The following DNTTIP2 variants were observed in gnomAD, a reference collection of about 807,000 sequenced individuals.
DNTTIP2 encodes the protein deoxynucleotidyltransferase terminal-interacting protein 2.
A neutral mutation model predicts 62.4 loss-of-function variants in DNTTIP2; 47 were observed. That is an observed-to-expected ratio of 0.75 (90% CI 0.60 to 0.96). The LOEUF (loss-of-function observed/expected upper bound fraction) is 0.96. Ranked by LOEUF, DNTTIP2 falls within the 40% of genes least tolerant of loss-of-function variation. DNTTIP2 has a pLI of 0.00. For synonymous variants in DNTTIP2, 322 were observed against 300.9 expected (o/e 1.07, Z -0.73); for missense variants, 870 against 849.1 (o/e 1.02, Z -0.31).
intron 3 of DNTTIP2, among the ~76,000 whole-genome samples, chr1:93,873,735 T>G (rs1655930152): frequency 6.6e-6 from 1 of 152,190 alleles, no homozygotes; most frequent in South Asian, 2.1e-4. Flanking sequence ...AGTTCAAGAC[T>G]AGCCTGGGTA....
In DNTTIP2 at chr1:93,877,700, T is replaced by C. The variant is rs1401810397; in HGVS notation, c.235A>G (p.Thr79Ala). ...SRTTGSLPKG[T>A]EPSTDGETSE... is the part of the protein sequence containing the mutation. ...GTTTCTCCATCCGTAGATGGTTCAG[T>C]CCCCTTTGGTAGTGAGCCTGTAGTT... Residue 79 changes from threonine (T) to alanine (A), a missense_variant, in exon 2 of 7, where the codon ACT becomes GCT. Thr to Ala is a moderately conservative substitution (Grantham distance 58). Coordinates refer to ENST00000436063, the MANE Select transcript of DNTTIP2 (RefSeq NM_014597.5). 6.2e-7 allele frequency: 1 copy of C among 1,613,860 alleles called. No individual in the cohort carries two copies. The highest frequency in any genetic ancestry group is 1.3e-5 in the African/African-American group (1 of 74,916).
intron 4 of DNTTIP2, among the ~76,000 whole-genome samples, 199 bp from the exon 5 acceptor site, chr1:93,872,435 G>A (rs1655890743): frequency 6.6e-6 from 1 of 152,156 alleles, no homozygotes; most frequent in Admixed American, 6.5e-5. Context: ...ATTAGGGACA[G>A]GATTATCAGT....
chr1:93,879,085 CG>C lies in DNTTIP2; in HGVS notation c.63del (p.Gln23LysfsTer35), dbSNP rs1218667935. ...ASIQAASAES[S>X]GQKSFAANGI... ...AAGACTGGATTTCCTACCTTTTGCC[CG>C]GAACTTTCAGCCGACGCGGCTTGGA... On this transcript the variant is annotated frameshift_variant, in exon 1 of 7. Transcript: ENST00000436063. LOFTEE classifies it high-confidence loss of function. The C allele has an allele frequency of 1.2e-6, 2 of 1,613,724 alleles. No homozygotes were observed. The highest frequency in any genetic ancestry group is 1.7e-6 in the Non-Finnish European group (2 of 1,179,878).
Position 93,866,814 on chromosome 1 carries a change from TTATC to T in DNTTIP2, c.*3033_*3036del, listed in dbSNP as rs1389720977. On this transcript the variant is annotated 3_prime_UTR_variant, in exon 7 of 7. Transcript: ENST00000436063. ...TAAGAACCTAGCCCAGAGCCCAACT[TTATC>T]AACTGTAGTCTTACAGCATCTACTT... 1 of 152,208 alleles carries T rather than the reference TTATC, an allele frequency of 6.6e-6. No individual in the cohort carries two copies. Among genetic ancestry groups the T allele is most frequent in the East Asian group, 1.9e-4 (1 of 5,198 alleles). The allele number at this position is 152,208 out of a possible 1,614,324, so 9.4% of individuals were successfully genotyped here. A position where few individuals can be genotyped will look rare whatever the true frequency, so the allele number is the denominator to read the frequency against.
chr1:93,870,822 C>T, intron 5 of DNTTIP2, 30 bp from the exon 6 acceptor site: 1 of 1,230,108 alleles, frequency 8.1e-7, no homozygotes, highest in Non-Finnish European at 1.1e-6. Context: ...ATAAGTCATG[C>T]ATTGAGTGCC....
intron 3 of DNTTIP2, among the ~76,000 whole-genome samples, chr1:93,875,435 C>T (rs1341749056): frequency 6.6e-6 from 1 of 152,124 alleles, no homozygotes; most frequent in African/African-American, 2.4e-5. Flanking sequence ...AGATGAGGAA[C>T]ACTGACCCTG....
chr1:93,879,112 T>C lies in DNTTIP2; in HGVS notation c.37A>G (p.Ile13Val), dbSNP rs752115054. The C allele has an allele frequency of 6.2e-7, 1 of 1,613,682 alleles. No homozygotes were observed. Among genetic ancestry groups the C allele is most frequent in the East Asian group, 2.2e-5 (1 of 44,900 alleles). ...VTRSARAKASIQAASAESSGQ... is the reference protein window; with the variant it reads ...VTRSARAKASVQAASAESSGQ... ...GAACTTTCAGCCGACGCGGCTTGGA[T>C]GCTGGCCTTAGCCCGTGCAGATCTG... The change falls in exon 1 of 7, where the codon ATC (isoleucine) becomes GTC (valine). Residue 13 changes from isoleucine to valine, a missense_variant. Coordinates refer to ENST00000436063, the MANE Select transcript of DNTTIP2 (RefSeq NM_014597.5).
In DNTTIP2 at chr1:93,869,885, T is replaced by C. The variant is rs1261268645; in HGVS notation, c.2237A>G (p.Lys746Arg). ...MAEKAANAAG[K>R]KFRKKKKFRN ...AAATTTCTTCTTCTTTCGGAACTTT[T>C]TTCCTGCTGCATTTGCTGCTTTTTC... Residue 746 changes from lysine to arginine, a missense_variant, in exon 7 of 7, where the codon AAA becomes AGA. Lys to Arg is a conservative substitution (Grantham distance 26). Transcript: ENST00000436063. 2 of 780,366 alleles carry C rather than the reference T, an allele frequency of 2.6e-6. No individual in the cohort carries two copies. Among genetic ancestry groups the C allele is most frequent in the East Asian group, 2.4e-5 (1 of 41,220 alleles). The allele number at this position is 780,366 out of a possible 1,614,324, so 48.3% of individuals were successfully genotyped here. A position where few individuals can be genotyped will look rare whatever the true frequency, so the allele number is the denominator to read the frequency against.
In DNTTIP2 at chr1:93,877,353, T is replaced by G. The variant is rs775956120; in HGVS notation, c.582A>C (p.Ser194=). 1 of 1,613,688 alleles carries G rather than the reference T, an allele frequency of 6.2e-7. No homozygotes were observed. Among genetic ancestry groups the G allele is most frequent in the Non-Finnish European group, 8.5e-7 (1 of 1,179,896 alleles). ...SDAETSSSDI[S]FSGIATRRTR... is the part of the protein sequence containing the mutation. Reference sequence around the variant, plus strand: ...TTCTTCTAGTTGCAATTCCAGAGAATGAAATGTCTGAGCTTGATGTCTCAG... The same window carrying G: ...TTCTTCTAGTTGCAATTCCAGAGAAGGAAATGTCTGAGCTTGATGTCTCAG... The change falls in exon 2 of 7, where the codon TCA becomes TCC. Residue 194 remains serine (S), a synonymous_variant. Coordinates refer to ENST00000436063, the MANE Select transcript of DNTTIP2 (RefSeq NM_014597.5).
intron 3 of DNTTIP2, among the ~76,000 whole-genome samples, chr1:93,874,971 T>C (rs1166491087): frequency 2.6e-5 from 4 of 152,144 alleles, no homozygotes; most frequent in Admixed American, 2.6e-4. Flanking sequence ...CCCTAGAGGC[T>C]TGGTGACTGA....
Position 93,877,643 on chromosome 1 carries a change from CAGA to C in DNTTIP2, c.289_291del (p.Ser97del). On this transcript the variant is annotated inframe_deletion, in exon 2 of 7. Coordinates refer to ENST00000436063, the MANE Select transcript of DNTTIP2 (RefSeq NM_014597.5). ...ACCCTTAAAATGGTATCATGGTGCT[CAGA>C]CACAGAATAATTTGACTCTGCCTCA... 1 of 1,614,000 alleles carries C rather than the reference CAGA, an allele frequency of 6.2e-7. No homozygotes were observed. Among genetic ancestry groups the C allele is most frequent in the Non-Finnish European group, 8.5e-7 (1 of 1,179,888 alleles).
intron 4 of DNTTIP2, 71 bp downstream of exon 4, chr1:93,873,043 TGTGCA>T: frequency 1.0e-6 from 1 of 982,430 alleles, no homozygotes. Context: ...ACAGTTTAAT[TGTGCA>T]GTTATGTTGT....
rs775722272 is a variant in DNTTIP2 at position 93,876,748 on chromosome 1, C to A, written c.1187G>T (p.Gly396Val). 20 of 1,613,854 alleles carry A rather than the reference C, an allele frequency of 1.2e-5. No homozygotes were observed. The Middle Eastern group carries it at 4.9e-4, about 40-fold the overall frequency. The part of the protein sequence containing the change: ...SDLTKFGDCG[G>V]SDDEEESTVI... Reference sequence around the variant, plus strand: ...TGTGGACTCTTCTTCATCATCACTACCACCACAATCACCAAACTTTGTCAA... The same window carrying A: ...TGTGGACTCTTCTTCATCATCACTAACACCACAATCACCAAACTTTGTCAA... The change falls in exon 2 of 7, where the codon GGT becomes GTT. Residue 396 changes from glycine (G) to valine (V), a missense_variant. Transcript: ENST00000436063.
Position 93,868,734 on chromosome 1 carries a change from C to T in DNTTIP2, c.*1117G>A, listed in dbSNP as rs1045790145. Reference sequence around the variant, plus strand: ...AAGCTGGAAATCATCTCAGCAAGAACAGAAAACTAACACAAGAACAGAAAA... The same window carrying T: ...AAGCTGGAAATCATCTCAGCAAGAATAGAAAACTAACACAAGAACAGAAAA... On this transcript the variant is annotated 3_prime_UTR_variant, in exon 7 of 7. Coordinates refer to ENST00000436063, the MANE Select transcript of DNTTIP2 (RefSeq NM_014597.5). 2 of 152,052 alleles carry T rather than the reference C, an allele frequency of 1.3e-5. No individual in the cohort carries two copies. The highest frequency in any genetic ancestry group is 4.8e-5 in the African/African-American group (2 of 41,394). 9.4% of individuals were successfully genotyped at this position (152,052 alleles called of 1,614,324 possible). A position where few individuals can be genotyped will look rare whatever the true frequency, so the allele number is the denominator to read the frequency against.
chr1:93,877,845 C>T lies in DNTTIP2; in HGVS notation c.90G>A (p.Gly30=), dbSNP rs775290457. ...SSGQKSFAAN[G]IQAHPESSTG... ...TACTACTTTCTGGATGCGCTTGAAT[C>T]CCATTAGCAGCAAAACTCTGCAAAC... The change falls in exon 2 of 7, where the codon GGG becomes GGA. Residue 30 remains glycine, a synonymous_variant. Transcript: ENST00000436063. 3.0e-5 allele frequency: 48 copies of T among 1,600,622 alleles called. No individual in the cohort carries two copies. The highest frequency in any genetic ancestry group is 3.4e-5 in the Non-Finnish European group (40 of 1,179,510).
Position 93,878,968 on chromosome 1 carries a change from G to T in DNTTIP2, c.72+109C>A, listed in dbSNP as rs966721414. ...AGACCCAAGCGCGCGGCAAGCTCGGGTCCTCTCTGTCGGCAGGTCCTCACC... is the reference window on the plus strand; with the variant it reads ...AGACCCAAGCGCGCGGCAAGCTCGGTTCCTCTCTGTCGGCAGGTCCTCACC... On this transcript the variant is annotated intron_variant, in intron 1 of 6. Coordinates refer to ENST00000436063, the MANE Select transcript of DNTTIP2 (RefSeq NM_014597.5). 3 of 1,409,118 alleles carry T rather than the reference G, an allele frequency of 2.1e-6. No individual in the cohort carries two copies. The East Asian group carries it at 7.4e-5, about 35-fold the overall frequency. 87.3% of individuals were successfully genotyped at this position (1,409,118 alleles called of 1,614,324 possible).
At position 93,877,365 on chromosome 1, in the gene DNTTIP2, G is replaced by A. The variant is rs763403519; in HGVS notation, c.570C>T (p.Ser190=). The stretch of plus-strand genomic sequence containing the variant: ...CAATTCCAGAGAATGAAATGTCTGA[G>A]CTTGATGTCTCAGCATCAGATATAG... ...TEAISDAETS[S]SDISFSGIAT... is the part of the protein sequence containing the mutation. Residue 190 remains serine, a synonymous_variant, in exon 2 of 7, where the codon AGC becomes AGT. Coordinates refer to ENST00000436063, the MANE Select transcript of DNTTIP2 (RefSeq NM_014597.5). 6.2e-7 allele frequency: 1 copy of A among 1,613,758 alleles called. No homozygotes were observed. Among genetic ancestry groups the A allele is most frequent in the Non-Finnish European group, 8.5e-7 (1 of 1,179,882 alleles).
Position 93,876,494 on chromosome 1 carries a change from T to TTCCTGTGTC in DNTTIP2, c.1432_1440dup (p.Asp478_Gly480dup). On this transcript the variant is annotated inframe_insertion, in exon 2 of 7. Coordinates refer to ENST00000436063, the MANE Select transcript of DNTTIP2 (RefSeq NM_014597.5). Reference sequence around the variant, plus strand: ...AACAATGCATTGTCACATGACAGACTTCCTGTGTCTCCACTTAATGACTCC... The same window carrying TTCCTGTGTC: ...AACAATGCATTGTCACATGACAGACTTCCTGTGTCTCCTGTGTCTCCACTTAATGACTCC... 1 of 1,613,980 alleles carries TTCCTGTGTC rather than the reference T, an allele frequency of 6.2e-7. No individual in the cohort carries two copies. Among genetic ancestry groups the TTCCTGTGTC allele is most frequent in the East Asian group, 2.2e-5 (1 of 44,860 alleles).
Position 93,872,064 on chromosome 1 carries a change from C to T in DNTTIP2, c.2067+8G>A, listed in dbSNP as rs375350978. 1 of 1,613,432 alleles carries T rather than the reference C, an allele frequency of 6.2e-7. No homozygotes were observed. Among genetic ancestry groups the T allele is most frequent in the African/African-American group, 1.3e-5 (1 of 74,896 alleles). On this transcript the variant is annotated splice_region_variant and intron_variant, in intron 5 of 6. Coordinates refer to ENST00000436063, the MANE Select transcript of DNTTIP2 (RefSeq NM_014597.5). ...CAGATCATCACCACTATTCTGTTTG[C>T]TTCATACCTGGAAGTACTTGGGGAA...
Sources: gnomAD v4.1 joint callset for allele counts (sites outside exome capture counted in the v4.1 genomes callset) on GRCh38, gnomAD v4.1.1 for gene constraint, MANE v1.5 for transcripts, NCBI Gene and HGNC (gene_info 2026-07-23, HGNC 2026-07-21) for gene names.